Variants in GMDS observed in about 807,000 individuals in gnomAD.
GMDS encodes GDP-mannose 4,6 dehydratase.
Under a neutral mutation model 49.9 loss-of-function variants are expected in GMDS, and 20 were observed. The ratio of observed to expected loss-of-function variants is 0.40; its 90% confidence interval spans 0.28 to 0.58. The LOEUF (loss-of-function observed/expected upper bound fraction) is 0.58. Among genes scored for constraint, GMDS ranks in the 20% least tolerant of loss-of-function variants. The pLI, the probability that GMDS is intolerant of heterozygous loss-of-function variation, is 0.42. For synonymous variants in GMDS, 177 were observed against 178.6 expected (o/e 0.99, Z 0.07); for missense variants, 362 against 481.4 (o/e 0.75, Z 2.32).
At chr6:1,864,954 T>C (rs1045256709) in intron 7 of GMDS, among the ~76,000 whole-genome samples, 2 of 152,248 alleles carry the variant, frequency 1.3e-5, no homozygotes, top group Admixed American at 6.5e-5. Context: ...TGTTTTCATA[T>C]TTCATTTGCA....
At chr6:1,916,481 G>C (rs1336870284) in intron 7 of GMDS, among the ~76,000 whole-genome samples, 1 of 151,902 alleles carries the variant, frequency 6.6e-6, no homozygotes, top group African/African-American at 2.4e-5. Context: ...GGGAAAGGAG[G>C]GAAAGGGAAG....
At chr6:1,897,977 C>CCCCGGAAGAGACCCTGGAGGCCTTT (rs1760292436) in intron 7 of GMDS, among the ~76,000 whole-genome samples, 2 of 22,696 alleles carry the variant, frequency 8.8e-5, no homozygotes, top group African/African-American at 2.7e-4. Flanking sequence ...TGGACACCTA[C>CCCCGGAAGAGACCCTGGAGGCCTTT]CCTGGCCTCC....
intron 4 of GMDS, among the ~76,000 whole-genome samples, chr6:2,065,711 A>G (rs992323221): frequency 1.3e-5 from 2 of 152,140 alleles, no homozygotes; most frequent in African/African-American, 4.8e-5. Context: ...CGAGAAGGGA[A>G]GTTTAGAGAA....
intron 7 of GMDS, among the ~76,000 whole-genome samples, chr6:1,908,539 A>G (rs189164120): frequency 1.1e-4 from 17 of 152,350 alleles, no homozygotes; most frequent in Admixed American, 5.9e-4. Flanking sequence ...ACAAACCTCA[A>G]TAAAAGTGGC....
At chr6:2,007,167 G>C (rs1767241437) in intron 4 of GMDS, among the ~76,000 whole-genome samples, 1 of 152,132 alleles carries the variant, frequency 6.6e-6, no homozygotes, top group South Asian at 2.1e-4. Context: ...ATAAAATACA[G>C]AAAAGTACCT....
intron 4 of GMDS, among the ~76,000 whole-genome samples, chr6:2,040,873 T>C (rs1769634435): frequency 6.6e-6 from 1 of 152,228 alleles, no homozygotes; most frequent in Non-Finnish European, 1.5e-5. Context: ...GTAGACTGTC[T>C]ATTTCTTCAT....
chr6:2,000,415 T>C (rs573692076), intron 4 of GMDS, among the ~76,000 whole-genome samples: 1 of 152,132 alleles, frequency 6.6e-6, no homozygotes, highest in South Asian at 2.1e-4. Context: ...AAAGAAACTA[T>C]GTATTCATTA....
chr6:1,646,121 A>G (rs912241212), intron 9 of GMDS, among the ~76,000 whole-genome samples: 2 of 151,574 alleles, frequency 1.3e-5, no homozygotes, highest in African/African-American at 4.9e-5. Flanking sequence ...CCTCTCACTC[A>G]CTCCCATCCT....
chr6:2,126,322 G>A (rs1172003895), intron 1 of GMDS, among the ~76,000 whole-genome samples: 11 of 152,218 alleles, frequency 7.2e-5, no homozygotes, highest in African/African-American at 9.6e-5. Context: ...CTGGAAATTC[G>A]TGTCCTCAGA....
rs887614272 is a variant in GMDS at position 1,848,525 on chromosome 6, T to C, written c.771+81578A>G. On this transcript the variant is annotated intron_variant, in intron 7 of 10. Coordinates refer to ENST00000380815, the MANE Select transcript of GMDS (RefSeq NM_001500.4). ...GTCTTGGGTACCTTATACAATTTGA[T>C]TTAACAAAGTTTTTTGGTTTTCTTG... is the stretch of plus-strand genomic sequence containing the variant. Among the ~76,000 whole-genome samples the C allele has an allele frequency of 3.3e-5, 5 of 152,360 alleles. 1 individual carries two copies. Among genetic ancestry groups the C allele is most frequent in the Admixed American group, 1.3e-4 (2 of 15,304 alleles).
At chr6:2,118,662 G>A (rs1774977337) in intron 2 of GMDS, among the ~76,000 whole-genome samples, 1 of 152,152 alleles carries the variant, frequency 6.6e-6, no homozygotes, top group Admixed American at 6.5e-5. Context: ...TAATATTTCT[G>A]TTGGTTAGTT....
intron 1 of GMDS, among the ~76,000 whole-genome samples, chr6:2,200,692 A>G (rs1230383422): frequency 6.0e-5 from 9 of 149,682 alleles, no homozygotes; most frequent in African/African-American, 2.2e-4. Context: ...TGAGGGCAGC[A>G]TGTTAGCAGA....
chr6:2,088,727 T>C (rs1236162281), intron 4 of GMDS, among the ~76,000 whole-genome samples: 1 of 151,868 alleles, frequency 6.6e-6, no homozygotes. Context: ...CCTCATGTCA[T>C]GCCCTAAGCA....
At chr6:2,169,178 A>T (rs963398778) in intron 1 of GMDS, among the ~76,000 whole-genome samples, 1 of 152,254 alleles carries the variant, frequency 6.6e-6, no homozygotes, top group African/African-American at 2.4e-5. Flanking sequence ...GTCAGGGACA[A>T]ATTAAGAACT....
chr6:1,928,194 G>A (rs1762116393), intron 7 of GMDS, among the ~76,000 whole-genome samples: 1 of 151,958 alleles, frequency 6.6e-6, no homozygotes, highest in African/African-American at 2.4e-5. Context: ...GTGAAACCCC[G>A]TCTCTACTAA....
At chr6:2,197,167 T>C (rs234942) in intron 1 of GMDS, among the ~76,000 whole-genome samples, 7,134 of 152,288 alleles carry the variant, frequency 0.047, 280 homozygotes, top group South Asian at 0.13. Context: ...ATGATAACTG[T>C]TCCCATTACT....
chr6:2,048,153 A>G (rs1259688420), intron 4 of GMDS, among the ~76,000 whole-genome samples: 1 of 152,124 alleles, frequency 6.6e-6, no homozygotes, highest in African/African-American at 2.4e-5. Flanking sequence ...CAAAGATCAA[A>G]AAACTGGTTA....
chr6:1,731,010 C>T (rs1766780491), intron 8 of GMDS, among the ~76,000 whole-genome samples: 1 of 152,106 alleles, frequency 6.6e-6, no homozygotes, highest in African/African-American at 2.4e-5. Flanking sequence ...CATCTACCAC[C>T]TTTGACGTCC....
intron 1 of GMDS, among the ~76,000 whole-genome samples, chr6:2,230,935 C>T (rs1413927155): frequency 5.6e-5 from 2 of 35,812 alleles, no homozygotes; most frequent in African/African-American, 2.2e-4. Flanking sequence ...TCTCTTCCCC[C>T]CTCCCACCCC....
Sources: gnomAD v4.1 joint callset for allele counts (sites outside exome capture counted in the v4.1 genomes callset) on GRCh38, gnomAD v4.1.1 for gene constraint, MANE v1.5 for transcripts, NCBI Gene and HGNC (gene_info 2026-07-23, HGNC 2026-07-21) for gene names.